Variants in MGAT5 observed in about 807,000 individuals in gnomAD.
The protein encoded by MGAT5 is alpha-1,6-mannosylglycoprotein 6-beta-N-acetylglucosaminyltransferase A.
In MGAT5, 30 loss-of-function variants were observed where a neutral mutation model predicts 94.3. The ratio of observed to expected loss-of-function variants is 0.32; its 90% CI spans 0.24 to 0.43. The LOEUF is 0.43. Ranked by LOEUF, MGAT5 falls within the 20% of genes least tolerant of loss-of-function variation. The pLI, the probability that MGAT5 is intolerant of heterozygous loss-of-function variation, is 1.00. For synonymous variants in MGAT5, 310 were observed against 322.9 expected, an observed-to-expected ratio of 0.96 and a Z score of 0.43; for missense variants, 691 against 905.5, an observed-to-expected ratio of 0.76 and a Z score of 3.04.
At chr2:134,241,747 G>A (rs1169233487) in intron 1 of MGAT5, among the ~76,000 whole-genome samples, 4 of 152,136 alleles carry the variant, frequency 2.6e-5, no homozygotes, top group African/African-American at 9.7e-5. Flanking sequence ...AAGTTCCTAA[G>A]GGGTGGGAGT....
intron 1 of MGAT5, among the ~76,000 whole-genome samples, chr2:134,245,774 A>C (rs1573603423): frequency 6.6e-6 from 1 of 152,192 alleles, no homozygotes; most frequent in African/African-American, 2.4e-5. Context: ...CTGGACCCAG[A>C]TTCACCAGCC....
intron 1 of MGAT5, among the ~76,000 whole-genome samples, chr2:134,186,545 A>T (rs546965548): frequency 1.3e-5 from 2 of 152,272 alleles, no homozygotes; most frequent in Admixed American, 1.3e-4. Flanking sequence ...TAGGGAGTCC[A>T]TGTCTTCCTA....
chr2:134,156,280 G>T (rs1687477003), intron 1 of MGAT5, among the ~76,000 whole-genome samples: 1 of 152,216 alleles, frequency 6.6e-6, no homozygotes, highest in Admixed American at 6.5e-5. Context: ...GAAACACCTG[G>T]AGGGGATCAT....
intron 15 of MGAT5, among the ~76,000 whole-genome samples, chr2:134,442,581 A>G (rs1685545952): frequency 6.6e-6 from 1 of 152,166 alleles, no homozygotes; most frequent in Non-Finnish European, 1.5e-5. Flanking sequence ...CCAGGGCTGC[A>G]CAGGGGAGGC....
chr2:134,260,146 G>A (rs1683228110), intron 1 of MGAT5, among the ~76,000 whole-genome samples: 1 of 152,208 alleles, frequency 6.6e-6, no homozygotes. Flanking sequence ...CATGGAAGGT[G>A]TTGAGGCAGT....
At chr2:134,385,018 C>T (rs1217399802) in intron 10 of MGAT5, among the ~76,000 whole-genome samples, 2 of 152,296 alleles carry the variant, frequency 1.3e-5, no homozygotes, top group East Asian at 3.9e-4. Context: ...GCCATGGCTA[C>T]ACATACTGGG....
intron 1 of MGAT5, among the ~76,000 whole-genome samples, chr2:134,177,983 G>A (rs530667341): frequency 6.6e-6 from 1 of 152,296 alleles, no homozygotes; most frequent in African/African-American, 2.4e-5. Flanking sequence ...CAGAGGTAAT[G>A]TAATGTGATT....
chr2:134,218,260 C>A (rs1317752451), intron 1 of MGAT5, among the ~76,000 whole-genome samples: 3 of 152,212 alleles, frequency 2.0e-5, no homozygotes, highest in Non-Finnish European at 4.4e-5. Context: ...TGACACAGAA[C>A]AAAGACTCAT....
intron 6 of MGAT5, 31 bp downstream of exon 6, chr2:134,338,451 A>G (rs1487181262): frequency 3.2e-6 from 5 of 1,553,992 alleles, no homozygotes; most frequent in Non-Finnish European, 2.6e-6. Context: ...GTGCAGTTAG[A>G]TGCCAGCTTT....
intron 1 of MGAT5, among the ~76,000 whole-genome samples, chr2:134,164,447 C>T (rs192756372): frequency 3.9e-4 from 60 of 152,178 alleles, no homozygotes; most frequent in African/African-American, 1.2e-3. Flanking sequence ...GTTAACCTCT[C>T]ATGTGGAGAG....
rs1350497400 is a variant in MGAT5, at chr2:134,222,123, A to G, written c.-142-32139A>G. The stretch of plus-strand genomic sequence containing the variant: ...GCCAATTCTTTAAGAGGTGAGATGG[A>G]GTCAGGCCTAGGGTTTAGTCTAAAA... On this transcript the variant is annotated intron_variant, in intron 1 of 16. Transcript: ENST00000409645. Among the ~76,000 whole-genome samples the G allele has an allele frequency of 2.7e-5, 4 of 148,462 alleles. No individual in the cohort carries two copies. The East Asian group carries it at 6.0e-4, about 22-fold the overall frequency.
At chr2:134,326,602 A>C (rs542324386) in intron 4 of MGAT5, among the ~76,000 whole-genome samples, 69 of 152,212 alleles carry the variant, frequency 4.5e-4, no homozygotes, top group African/African-American at 1.6e-3. Flanking sequence ...AAGAGCATTA[A>C]TTGCTATTGA....
intron 10 of MGAT5, among the ~76,000 whole-genome samples, chr2:134,382,218 A>G (rs1322590796): frequency 1.3e-5 from 2 of 151,610 alleles, no homozygotes; most frequent in South Asian, 2.1e-4. Context: ...TCATGCCGCT[A>G]TACTCCAGCC....
In MGAT5 at chr2:134,176,572, T is replaced by TAAAAAAAAAA. The variant is rs66689362; in HGVS notation, c.-143+56295_-143+56304dup. Among the ~76,000 whole-genome samples the TAAAAAAAAAA allele has an allele frequency of 7.8e-3, 648 of 83,134 alleles. 4 individuals carry two copies. Among genetic ancestry groups the TAAAAAAAAAA allele is most frequent in the African/African-American group, 0.023 (420 of 18,452 alleles). The allele number at this position is 83,134 out of a possible 152,430, so 54.5% of individuals were successfully genotyped here. ...TGGGTGACAGAGGGAGACTCTGTCT[T>TAAAAAAAAAA]AAAAAAAAAAAAAAAAAAAAAAATT... On this transcript the variant is annotated intron_variant, in intron 1 of 16. Coordinates refer to the MGAT5 transcript ENST00000409645.
intron 1 of MGAT5, among the ~76,000 whole-genome samples, chr2:134,241,870 A>G (rs1344987402): frequency 1.3e-5 from 2 of 152,204 alleles, no homozygotes; most frequent in East Asian, 3.8e-4. Context: ...TGTATCCCTT[A>G]AGTCATCATT....
chr2:134,353,074 G>A (rs570576394), intron 9 of MGAT5, among the ~76,000 whole-genome samples: 2 of 152,198 alleles, frequency 1.3e-5, no homozygotes, highest in South Asian at 4.2e-4. Flanking sequence ...ATGGCTATGG[G>A]GTTTCAGTAT....
chr2:134,131,411 C>T (rs1235927305), intron 1 of MGAT5, among the ~76,000 whole-genome samples: 1 of 152,132 alleles, frequency 6.6e-6, no homozygotes, highest in Non-Finnish European at 1.5e-5. Flanking sequence ...AGGCTGAATT[C>T]CCGAAATTAG....
At chr2:134,191,494 G>A (rs1279205516) in intron 1 of MGAT5, among the ~76,000 whole-genome samples, 1 of 151,804 alleles carries the variant, frequency 6.6e-6, no homozygotes, top group African/African-American at 2.4e-5. Context: ...GGAAGGGTGG[G>A]TTCGCGCCGT....
At chr2:134,272,237 T>C (rs557392308) in intron 2 of MGAT5, among the ~76,000 whole-genome samples, 2 of 152,342 alleles carry the variant, frequency 1.3e-5, no homozygotes, top group Admixed American at 1.3e-4. Context: ...ATACCAGCCG[T>C]ATGTATTGAG....
Sources: allele counts gnomAD v4.1 joint callset (sites outside exome capture counted in the v4.1 genomes callset), GRCh38; gene constraint gnomAD v4.1.1; transcripts MANE v1.5; gene names NCBI Gene and HGNC (gene_info 2026-07-23, HGNC 2026-07-21).